Variants in FSCN1 observed in about 807,000 individuals in gnomAD.
FSCN1 encodes the protein fascin.
A neutral mutation model predicts 39.7 loss-of-function variants in FSCN1; 10 were observed. That is an observed-to-expected ratio of 0.25 (90% CI 0.16 to 0.43). The LOEUF (loss-of-function observed/expected upper bound fraction) is 0.43, where lower values mean the gene tolerates loss of function less well. FSCN1 is among the 20% of genes least tolerant of loss of function. The pLI is 1.00. For missense variants in FSCN1, 525 were observed against 723.8 expected, an observed-to-expected ratio of 0.73 and a Z score of 3.15; for synonymous variants, 322 against 320.0, an observed-to-expected ratio of 1.01 and a Z score of -0.07.
In FSCN1 at chr7:5,599,505, G is replaced by C. The variant is rs1785789465; in HGVS notation, c.833-3752G>C. On this transcript the variant is annotated intron_variant, in intron 1 of 4. Transcript: ENST00000382361. The surrounding 1 kb of genome is among the most constrained non-coding windows in gnomAD (Gnocchi z 5.6). ...GGAGCAGATGTGGGGCTGCATGGTT[G>C]GGTCAGGATGGAACAGGATGGGGAG... 6.6e-6 allele frequency among the ~76,000 whole-genome samples: 1 copy of C among 152,206 alleles called. No homozygotes were observed. The highest frequency in any genetic ancestry group is 1.5e-5 in the Non-Finnish European group (1 of 68,030).
Position 5,603,684 on chromosome 7 carries a change from C to A in FSCN1, c.1111+67C>A. The A allele has an allele frequency of 1.9e-6, 3 of 1,602,188 alleles. No individual in the cohort carries two copies. The highest frequency in any genetic ancestry group is 2.2e-5 in the South Asian group (2 of 90,312). ...CTGGAGGGTCTGGCCATGCCGTGGT[C>A]ACTTGGTAGCCCCAGCCAAGGCCTG... On this transcript the variant is annotated intron_variant, in intron 3 of 4. Transcript: ENST00000382361. The surrounding 1 kb of genome is among the most constrained non-coding windows in gnomAD (Gnocchi z 8.5).
Position 5,593,568 on chromosome 7 carries a change from G to T in FSCN1, c.632G>T (p.Gly211Val). The change falls in exon 1 of 5, where the codon GGC becomes GTC. Residue 211 changes from glycine to valine, a missense_variant. This residue lies in a region of FSCN1 where 246 missense variants were observed against 350.6 expected (regional missense o/e 0.70). Transcript: ENST00000382361. ...GTGGCGCGCCCCGAGCCGGCCACTG[G>T]CTACACGCTGGAGTTCCGCTCCGGC... ...RLVARPEPAT[G>V]YTLEFRSGKV... 1 of 1,578,970 alleles carries T rather than the reference G, an allele frequency of 6.3e-7. No homozygotes were observed. Among genetic ancestry groups the T allele is most frequent in the Non-Finnish European group, 8.6e-7 (1 of 1,168,344 alleles).
rs577446692 is a variant in FSCN1 at position 5,594,311 on chromosome 7, C to T, written c.832+543C>T. Reference sequence around the variant, plus strand: ...GCGCGCCTCCACCTCCCCGTCTGCCCGGCCTTCCTCCACCTCCTCCCGCTG... The same window carrying T: ...GCGCGCCTCCACCTCCCCGTCTGCCTGGCCTTCCTCCACCTCCTCCCGCTG... On this transcript the variant is annotated intron_variant, in intron 1 of 4. Coordinates refer to ENST00000382361, the MANE Select transcript of FSCN1 (RefSeq NM_003088.4). Among the ~76,000 whole-genome samples the T allele has an allele frequency of 1.3e-3, 201 of 152,130 alleles. 3 individuals are homozygous for T. The highest frequency in any genetic ancestry group is 9.1e-3 in the South Asian group (44 of 4,822).
chr7:5,602,410 G>A (rs1465729743), intron 1 of FSCN1, among the ~76,000 whole-genome samples: 1 of 151,962 alleles, frequency 6.6e-6, no homozygotes, highest in Non-Finnish European at 1.5e-5. Flanking sequence ...ATAGAAGCAG[G>A]AACAATAGCA....
rs775148755 is a variant in FSCN1 at position 5,603,259 on chromosome 7, A to G, written c.835A>G (p.Met279Val). 16 of 1,611,724 alleles carry G rather than the reference A, an allele frequency of 9.9e-6. No homozygotes were observed. The South Asian group carries it at 1.3e-4, about 13-fold the overall frequency. ...NERNVSTRQG[M>V]DLSANQDEET... ...AGCCCAAGGCCTCCTCTCTGCAGGT[A>G]TGGACCTGTCTGCCAATCAGGACGA... The change falls in exon 2 of 5, where the codon ATG becomes GTG. Residue 279 changes from methionine to valine, a missense_variant and splice_region_variant. By Grantham distance (21) the Met-to-Val change is conservative. Coordinates refer to ENST00000382361, the MANE Select transcript of FSCN1 (RefSeq NM_003088.4). The surrounding 1 kb of genome is among the most constrained non-coding windows in gnomAD (Gnocchi z 8.5).
At chr7:5,601,472 G>A (rs186281139) in intron 1 of FSCN1, among the ~76,000 whole-genome samples, 3 of 152,032 alleles carry the variant, frequency 2.0e-5, no homozygotes, top group African/African-American at 7.2e-5. Flanking sequence ...CAAAGTGCTG[G>A]GATTACAGGC....
rs371099322 is a variant in FSCN1, at chr7:5,604,215, CTT to C, written c.1279+186_1279+187del. ...TGGGATGCAAGCAGCCCCTTTCCCT[CTT>C]GTCTGTGTGGTTGGGGGGACTTACC... On this transcript the variant is annotated intron_variant, in intron 4 of 4. Coordinates refer to ENST00000382361, the MANE Select transcript of FSCN1 (RefSeq NM_003088.4). Among the ~76,000 whole-genome samples, 287 of 151,772 alleles carry C rather than the reference CTT, an allele frequency of 1.9e-3. 2 individuals are homozygous for C. Among genetic ancestry groups the C allele is most frequent in the African/African-American group, 6.4e-3 (265 of 41,388 alleles).
rs1446711443 is a variant in FSCN1 at position 5,597,076 on chromosome 7, T to A, written c.832+3308T>A. On this transcript the variant is annotated intron_variant, in intron 1 of 4. Coordinates refer to ENST00000382361, the MANE Select transcript of FSCN1 (RefSeq NM_003088.4). ...GAATGGTTCAGAAGGCCAGGCACACTGGCTCTCGCCTGTAATCCAAGCACT... is the reference window on the plus strand; with the variant it reads ...GAATGGTTCAGAAGGCCAGGCACACAGGCTCTCGCCTGTAATCCAAGCACT... Among the ~76,000 whole-genome samples, 5 of 152,300 alleles carry A rather than the reference T, an allele frequency of 3.3e-5. No individual in the cohort carries two copies. The East Asian group carries it at 7.7e-4, about 24-fold the overall frequency.
At position 5,599,056 on chromosome 7, in the gene FSCN1, G is replaced by A. The variant is rs1465918320; in HGVS notation, c.833-4201G>A. On this transcript the variant is annotated intron_variant, in intron 1 of 4. Coordinates refer to ENST00000382361, the MANE Select transcript of FSCN1 (RefSeq NM_003088.4). The surrounding 1 kb of genome is among the most constrained non-coding windows in gnomAD (Gnocchi z 5.6). ...TTGCAGGGCCTCTTGGCTGGTGGAG[G>A]GCTGAGTGAGCAGAGGCCCCAGCCC... Among the ~76,000 whole-genome samples, 1 of 152,168 alleles carries A rather than the reference G, an allele frequency of 6.6e-6. No individual in the cohort carries two copies. The highest frequency in any genetic ancestry group is 2.4e-5 in the African/African-American group (1 of 41,430).
chr7:5,600,698 G>T (rs2128549597), intron 1 of FSCN1, among the ~76,000 whole-genome samples: 1 of 150,868 alleles, frequency 6.6e-6, no homozygotes, highest in Admixed American at 6.6e-5. Flanking sequence ...TTGTCGCCCA[G>T]GCTGGAGTGC....
intron 4 of FSCN1, among the ~76,000 whole-genome samples, chr7:5,604,617 C>A (rs1354850707): frequency 6.8e-6 from 1 of 148,118 alleles, no homozygotes; most frequent in African/African-American, 2.5e-5. Context: ...TACAGGTGTG[C>A]ACCACCACGC....
At chr7:5,604,601 T>A (rs1785898798) in intron 4 of FSCN1, among the ~76,000 whole-genome samples, 1 of 152,048 alleles carries the variant, frequency 6.6e-6, no homozygotes, top group Admixed American at 6.6e-5. Flanking sequence ...CCCAAGTAGC[T>A]GGGATTACAG....
chr7:5,603,459 G>C lies in FSCN1; in HGVS notation c.990-37G>C. 1 of 1,613,948 alleles carries C rather than the reference G, an allele frequency of 6.2e-7. No homozygotes were observed. On this transcript the variant is annotated intron_variant, in intron 2 of 4. Transcript: ENST00000382361. This position sits in a 1 kb window ranked among gnomAD's most constrained non-coding sequence, Gnocchi z 8.5. ...TGTCACCGCCCCCACCACCTTGCCT[G>C]GGCTACCCCGCCTGACCCTGTCCCG...
At chr7:5,604,370 G>C (rs868044204) in intron 4 of FSCN1, among the ~76,000 whole-genome samples, 4 of 152,044 alleles carry the variant, frequency 2.6e-5, no homozygotes, top group South Asian at 2.1e-4. Flanking sequence ...GGGAGGTTCT[G>C]GAAAGGGTGT....
At position 5,603,087 on chromosome 7, in the gene FSCN1, G is replaced by A. The variant is rs1323338726; in HGVS notation, c.833-170G>A. ...TTGGCCTCTGACCGGCCCTGCCTGC[G>A]TTCCTGGGTGCTCTCTGCTGCTTCT... On this transcript the variant is annotated intron_variant, in intron 1 of 4. Coordinates refer to ENST00000382361, the MANE Select transcript of FSCN1 (RefSeq NM_003088.4). This position sits in a 1 kb window ranked among gnomAD's most constrained non-coding sequence, Gnocchi z 8.5. 26 of 690,912 alleles carry A rather than the reference G, an allele frequency of 3.8e-5. No homozygotes were observed. Among genetic ancestry groups the A allele is most frequent in the Middle Eastern group, 4.1e-4 (1 of 2,456 alleles). 42.8% of individuals were successfully genotyped at this position (690,912 alleles called of 1,614,324 possible).
At chr7:5,594,591 C>G (rs1437834330) in intron 1 of FSCN1, 4 of 152,124 alleles carry the variant, frequency 2.6e-5, no homozygotes. Context: ...CGCGCCGCCC[C>G]CGGGCCCAGG....
At chr7:5,596,486 G>A (rs537907103) in intron 1 of FSCN1, among the ~76,000 whole-genome samples, 1 of 152,350 alleles carries the variant, frequency 6.6e-6, no homozygotes, top group African/African-American at 2.4e-5. Flanking sequence ...AGCTGAGTGA[G>A]TGCTCCTTTG....
intron 1 of FSCN1, among the ~76,000 whole-genome samples, chr7:5,595,391 C>T (rs1227331768): frequency 6.6e-6 from 1 of 152,230 alleles, no homozygotes; most frequent in Admixed American, 6.5e-5. Context: ...CTGTTTCCCA[C>T]AGCGCATGGC....
rs1358590612 is a variant in FSCN1, at chr7:5,605,156, GC to G, written c.1280-114del. ...CATAGGGACCCTGGCTCATTCCGGA[GC>G]CGGGACTGGAGGGTGGGGCGTCACC... On this transcript the variant is annotated intron_variant, in intron 4 of 4. Transcript: ENST00000382361. This position sits in a 1 kb window ranked among gnomAD's most constrained non-coding sequence, Gnocchi z 6.9. 1.5e-5 allele frequency: 11 copies of G among 724,768 alleles called. No homozygotes were observed. Among genetic ancestry groups the G allele is most frequent in the Non-Finnish European group, 2.6e-5 (11 of 415,916 alleles). 44.9% of individuals were successfully genotyped at this position (724,768 alleles called of 1,614,324 possible). A position where few individuals can be genotyped will look rare whatever the true frequency, so the allele number is the denominator to read the frequency against.
Sources: allele counts gnomAD v4.1 joint callset (sites outside exome capture counted in the v4.1 genomes callset), GRCh38; gene constraint gnomAD v4.1.1; regional missense constraint gnomAD v4.1.1; non-coding constraint Gnocchi (gnomAD v3.1); transcripts MANE v1.5; gene names NCBI Gene and HGNC (gene_info 2026-07-23, HGNC 2026-07-21).